Variants in ZNF385D observed in about 807,000 individuals in gnomAD.
ZNF385D encodes zinc finger protein 659.
A neutral mutation model predicts 35.8 loss-of-function variants in ZNF385D; 15 were observed. The ratio of observed to expected loss-of-function variants is 0.42; its 90% CI spans 0.28 to 0.64. ZNF385D has a LOEUF of 0.64. Ranked by LOEUF, ZNF385D falls within the 30% of genes least tolerant of loss-of-function variation. ZNF385D has a pLI of 0.23. For missense variants in ZNF385D, 474 were observed against 494.6 expected (o/e 0.96, Z 0.39); for synonymous variants, 212 against 186.8 (o/e 1.13, Z -1.10).
chr3:22,260,892 G>C (rs1700592573), intron 2 of ZNF385D, among the ~76,000 whole-genome samples: 1 of 151,858 alleles, frequency 6.6e-6, no homozygotes, highest in Admixed American at 6.6e-5. Context: ...AGTTTTAGTA[G>C]AACAATAAGT....
intron 3 of ZNF385D, among the ~76,000 whole-genome samples, chr3:22,023,190 AG>A (rs1471807503): frequency 1.3e-5 from 2 of 152,176 alleles, no homozygotes; most frequent in Non-Finnish European, 2.9e-5. Context: ...TAGAAGGAGC[AG>A]TCAAATGAGA....
intron 2 of ZNF385D, among the ~76,000 whole-genome samples, chr3:22,274,049 A>T (rs572480519): frequency 5.9e-4 from 89 of 151,958 alleles, no homozygotes; most frequent in Non-Finnish European, 1.2e-3. Context: ...CAATATTTCT[A>T]TTTACCTTAT....
chr3:21,602,596 A>G (rs976019906), intron 2 of ZNF385D, among the ~76,000 whole-genome samples: 52 of 129,780 alleles, frequency 4.0e-4, no homozygotes, highest in South Asian at 2.9e-3. Context: ...GCAGTGGCGC[A>G]ATCTCGGCTC....
chr3:21,983,613 C>T (rs1437506751), intron 3 of ZNF385D, among the ~76,000 whole-genome samples: 17 of 138,084 alleles, frequency 1.2e-4, no homozygotes, highest in African/African-American at 3.0e-4. Context: ...TGAATAATGC[C>T]GCAATAAACA....
rs866228440 is a variant in ZNF385D at position 22,244,901 on chromosome 3, A to G, written c.107-75866T>C. 1.3e-4 allele frequency among the ~76,000 whole-genome samples: 19 copies of G among 142,300 alleles called. 1 individual carries two copies. Among genetic ancestry groups the G allele is most frequent in the African/African-American group, 4.9e-4 (18 of 36,482 alleles). 93.4% of individuals were successfully genotyped at this position (142,300 alleles called of 152,430 possible). On this transcript the variant is annotated intron_variant, in intron 2 of 5. Transcript: ENST00000494108. Reference sequence around the variant, plus strand: ...AAACAGAACATCACTGCGTCTCCTCAGGTCTCAATGCCAGCTGTGATTTCT... The same window carrying G: ...AAACAGAACATCACTGCGTCTCCTCGGGTCTCAATGCCAGCTGTGATTTCT...
At chr3:22,248,880 C>G (rs1021804838) in intron 2 of ZNF385D, among the ~76,000 whole-genome samples, 1 of 152,186 alleles carries the variant, frequency 6.6e-6, no homozygotes, top group South Asian at 2.1e-4. Flanking sequence ...ATTCATGAAG[C>G]CTGTGCATAT....
chr3:21,636,364 TTATATATATATGATTATATA>T (rs1334838866), intron 2 of ZNF385D, among the ~76,000 whole-genome samples: 1 of 113,918 alleles, frequency 8.8e-6, no homozygotes, highest in Non-Finnish European at 1.8e-5. Flanking sequence ...TTATATATGA[TTATATATATATGATTATATA>T]TATATATATA....
chr3:21,970,858 C>G (rs1053389157), intron 3 of ZNF385D, among the ~76,000 whole-genome samples: 7 of 151,948 alleles, frequency 4.6e-5, no homozygotes, highest in Non-Finnish European at 8.8e-5. Context: ...TTCAATAAGT[C>G]TGGCAGCAGA....
intron 2 of ZNF385D, among the ~76,000 whole-genome samples, chr3:22,203,579 T>G (rs1426814048): frequency 1.3e-5 from 2 of 152,096 alleles, no homozygotes; most frequent in African/African-American, 4.8e-5. Flanking sequence ...GCCTTGGCTC[T>G]TGGATGGCAT....
upstream of ZNF385D, among the ~76,000 whole-genome samples, chr3:21,752,364 T>C (rs994190207): frequency 2.6e-5 from 4 of 152,194 alleles, no homozygotes; most frequent in Admixed American, 2.0e-4. Context: ...AAGAATGCAA[T>C]TGATATATTT....
chr3:22,131,310 CT>C (rs1458133959), intron 3 of ZNF385D, among the ~76,000 whole-genome samples: 5 of 151,696 alleles, frequency 3.3e-5, no homozygotes, highest in African/African-American at 4.8e-5. Context: ...CATTGGTGAC[CT>C]TAAAAAGAAG....
intron 1 of ZNF385D, among the ~76,000 whole-genome samples, chr3:21,706,288 T>C (rs2067896522): frequency 6.6e-6 from 1 of 152,118 alleles, no homozygotes; most frequent in Non-Finnish European, 1.5e-5. Flanking sequence ...CCTAATAGCT[T>C]GATTGAGATA....
At chr3:22,182,217 A>T (rs550729252) in intron 2 of ZNF385D, among the ~76,000 whole-genome samples, 1 of 152,168 alleles carries the variant, frequency 6.6e-6, no homozygotes, top group African/African-American at 2.4e-5. Context: ...CTCTCTTGCA[A>T]TAATTAATAT....
intron 3 of ZNF385D, among the ~76,000 whole-genome samples, chr3:21,762,837 C>G (rs550642673): frequency 3.9e-5 from 6 of 152,172 alleles, no homozygotes; most frequent in Non-Finnish European, 8.8e-5. Context: ...CTTGGACCAA[C>G]TTGGGGCACC....
At chr3:21,996,254 G>C (rs1695460724) in intron 3 of ZNF385D, among the ~76,000 whole-genome samples, 1 of 152,154 alleles carries the variant, frequency 6.6e-6, no homozygotes, top group Non-Finnish European at 1.5e-5. Context: ...ACTCTTCCAT[G>C]GTTGGGACGG....
intron 3 of ZNF385D, among the ~76,000 whole-genome samples, chr3:21,807,947 TTG>T (rs1461249675): frequency 6.6e-6 from 1 of 152,216 alleles, no homozygotes; most frequent in Non-Finnish European, 1.5e-5. Context: ...GATATTTGCA[TTG>T]TCTCAATAAT....
intron 3 of ZNF385D, among the ~76,000 whole-genome samples, chr3:22,089,112 A>G (rs888312674): frequency 3.3e-5 from 5 of 152,224 alleles, no homozygotes; most frequent in African/African-American, 1.2e-4. Context: ...TAAGTGTGGC[A>G]TGAGTAAATT....
At chr3:21,574,418 A>G (rs1349033429) in intron 2 of ZNF385D, among the ~76,000 whole-genome samples, 1 of 152,212 alleles carries the variant, frequency 6.6e-6, no homozygotes, top group East Asian at 1.9e-4. Context: ...AAGATACCTC[A>G]GAGACATAGC....
At chr3:21,969,901 C>G (rs909137244) in intron 3 of ZNF385D, among the ~76,000 whole-genome samples, 1 of 152,148 alleles carries the variant, frequency 6.6e-6, no homozygotes, top group Non-Finnish European at 1.5e-5. Flanking sequence ...GGGAGCAGAA[C>G]AAGAGTCTCT....
Sources: gnomAD v4.1 joint callset for allele counts (sites outside exome capture counted in the v4.1 genomes callset) on GRCh38, gnomAD v4.1.1 for gene constraint, MANE v1.5 for transcripts, NCBI Gene and HGNC (gene_info 2026-07-23, HGNC 2026-07-21) for gene names.